The following LRRC36 variants were observed in gnomAD, a reference collection of about 807,000 sequenced individuals.
LRRC36 encodes the protein leucine-rich repeat-containing protein 36.
In LRRC36, 62 loss-of-function variants were observed where a neutral mutation model predicts 81.1. That is an observed-to-expected ratio of 0.76 (90% confidence interval 0.62 to 0.94). The LOEUF is 0.94. Ranked by LOEUF, LRRC36 falls within the 40% of genes least tolerant of loss-of-function variation. The probability of loss-of-function intolerance (pLI) is 0.00; values close to 1 mark genes in which losing one functional copy is unlikely to be tolerated. For synonymous variants in LRRC36, 334 were observed against 348.6 expected (o/e 0.96, Z 0.47); for missense variants, 761 against 881.7 (o/e 0.86, Z 1.73).
intron 11 of LRRC36, among the ~76,000 whole-genome samples, chr16:67,377,288 A>G (rs2039938392): frequency 6.6e-6 from 1 of 152,126 alleles, no homozygotes; most frequent in Non-Finnish European, 1.5e-5. Flanking sequence ...TAGGAAAGGA[A>G]GAAGCAACTC....
At chr16:67,342,269 T>C (rs983134637) in intron 2 of LRRC36, among the ~76,000 whole-genome samples, 185 bp downstream of exon 2, 4 of 152,208 alleles carry the variant, frequency 2.6e-5, no homozygotes, top group Non-Finnish European at 5.9e-5. Context: ...TGTTATAAAA[T>C]ATTGGGAGGG....
At chr16:67,371,477 G>A in intron 9 of LRRC36, 1 of 551,132 alleles carries the variant, frequency 1.8e-6, no homozygotes, top group South Asian at 2.0e-5. Context: ...AACTGTCCCT[G>A]ATCTACTTCC....
chr16:67,375,007 A>G (rs953431661), intron 9 of LRRC36, among the ~76,000 whole-genome samples: 1 of 151,758 alleles, frequency 6.6e-6, no homozygotes, highest in South Asian at 2.1e-4. Flanking sequence ...GCACACGCCT[A>G]TCCCAGCTAC....
At chr16:67,384,848 G>C (rs1360060299) in intron 13 of LRRC36, 22 bp from the exon 14 acceptor site, 1 of 1,595,250 alleles carries the variant, frequency 6.3e-7, no homozygotes, top group Non-Finnish European at 8.6e-7. Flanking sequence ...TTTCATGACT[G>C]CCTTTTTCCC....
intron 1 of LRRC36, among the ~76,000 whole-genome samples, chr16:67,337,501 G>A (rs1298872370): frequency 6.6e-6 from 1 of 151,664 alleles, no homozygotes; most frequent in Non-Finnish European, 1.5e-5. Context: ...GGGATTACAG[G>A]CGTGTGCCAC....
chr16:67,335,280 T>C (rs560152465), intron 1 of LRRC36, among the ~76,000 whole-genome samples: 1 of 152,312 alleles, frequency 6.6e-6, no homozygotes, highest in Admixed American at 6.5e-5. Flanking sequence ...CAGGGATGCA[T>C]TCTCTTTCTC....
rs948228670 is a variant in LRRC36, at chr16:67,358,094, T to A, written c.578-5496T>A. Among the ~76,000 whole-genome samples, 5 of 150,988 alleles carry A rather than the reference T, an allele frequency of 3.3e-5. No individual in the cohort carries two copies. In the South Asian group the frequency reaches 1.0e-3, roughly 32 times the overall value. On this transcript the variant is annotated intron_variant, in intron 5 of 13. Coordinates refer to ENST00000329956, the MANE Select transcript of LRRC36 (RefSeq NM_018296.6). Reference sequence around the variant, plus strand: ...AGACAAGAAAAAAATAATCTCAGAATACAAATTGCTTCATTTTCTTGATTG... The same window carrying A: ...AGACAAGAAAAAAATAATCTCAGAAAACAAATTGCTTCATTTTCTTGATTG...
At chr16:67,334,474 G>A (rs1036921559) in intron 1 of LRRC36, among the ~76,000 whole-genome samples, 1 of 152,046 alleles carries the variant, frequency 6.6e-6, no homozygotes, top group Non-Finnish European at 1.5e-5. Context: ...GCAGGCGTGT[G>A]CCACCATGCC....
chr16:67,348,982 G>A (rs1156382014), intron 4 of LRRC36, among the ~76,000 whole-genome samples: 1 of 151,794 alleles, frequency 6.6e-6, no homozygotes, highest in Non-Finnish European at 1.5e-5. Flanking sequence ...TTTTTTCTTA[G>A]TTTCCTATTT....
At chr16:67,377,736 G>A (rs1394214888) in intron 11 of LRRC36, among the ~76,000 whole-genome samples, 2 of 150,794 alleles carry the variant, frequency 1.3e-5, no homozygotes, top group Non-Finnish European at 3.0e-5. Flanking sequence ...CCGGGTTCAA[G>A]CGATTCTCCT....
At chr16:67,355,698 G>GTTTCTTAT (rs2038874755) in intron 5 of LRRC36, among the ~76,000 whole-genome samples, 1 of 152,126 alleles carries the variant, frequency 6.6e-6, no homozygotes, top group African/African-American at 2.4e-5. Context: ...TTTATATACT[G>GTTTCTTAT]AGTTTAGTTT....
chr16:67,364,236 A>G (rs1381079786), intron 6 of LRRC36, among the ~76,000 whole-genome samples: 3 of 152,188 alleles, frequency 2.0e-5, no homozygotes, highest in Admixed American at 1.3e-4. Context: ...ATGGGGGAGG[A>G]GTGAAAAATA....
chr16:67,361,445 A>C (rs773417003), intron 5 of LRRC36, among the ~76,000 whole-genome samples: 1 of 152,164 alleles, frequency 6.6e-6, no homozygotes, highest in Non-Finnish European at 1.5e-5. Context: ...TTCTAATCAC[A>C]GTAAAAATAT....
intron 5 of LRRC36, among the ~76,000 whole-genome samples, chr16:67,363,362 TCAACCC>T (rs2039245459): frequency 2.0e-5 from 3 of 152,244 alleles, no homozygotes; most frequent in Admixed American, 6.5e-5. Context: ...TTAACCTGGC[TCAACCC>T]TAACAGATAG....
chr16:67,365,094 C>G (rs2142097967), intron 6 of LRRC36: 2 of 515,036 alleles, frequency 3.9e-6, no homozygotes, highest in East Asian at 3.1e-5. Flanking sequence ...CCTTTACTTC[C>G]TAAGGATATT....
At chr16:67,335,294 G>C (rs952510556) in intron 1 of LRRC36, among the ~76,000 whole-genome samples, 3 of 152,134 alleles carry the variant, frequency 2.0e-5, no homozygotes, top group African/African-American at 7.2e-5. Context: ...CTTTCTCAGG[G>C]ATGTTCCTTG....
At chr16:67,332,784 T>C (rs2037558078) in intron 1 of LRRC36, among the ~76,000 whole-genome samples, 1 of 152,178 alleles carries the variant, frequency 6.6e-6, no homozygotes, top group African/African-American at 2.4e-5. Context: ...CCTTAGCTTT[T>C]GTCCCATGTT....
intron 8 of LRRC36, among the ~76,000 whole-genome samples, chr16:67,367,929 C>T (rs1053664842): frequency 1.1e-4 from 16 of 152,082 alleles, no homozygotes; most frequent in Admixed American, 7.2e-4. Flanking sequence ...TGGTGGCATG[C>T]GCCTGTAATC....
chr16:67,329,279 A>G (rs1251492457), intron 1 of LRRC36, among the ~76,000 whole-genome samples: 3 of 151,552 alleles, frequency 2.0e-5, no homozygotes, highest in Non-Finnish European at 2.9e-5. Context: ...ATTTAACAGT[A>G]ATTTCTTTTT....
Sources: gnomAD v4.1 joint callset for allele counts (sites outside exome capture counted in the v4.1 genomes callset) on GRCh38, gnomAD v4.1.1 for gene constraint, MANE v1.5 for transcripts, NCBI Gene and HGNC (gene_info 2026-07-23, HGNC 2026-07-21) for gene names.